The following NXPE2 variants were observed in gnomAD, a reference collection of about 807,000 sequenced individuals.
The protein encoded by NXPE2 is neurexophilin and PC-esterase domain family member 2.
A neutral mutation model predicts 34.4 loss-of-function variants in NXPE2; 34 were observed. The ratio of observed to expected loss-of-function variants is 0.99; its 90% confidence interval spans 0.75 to 1.31. NXPE2 has a LOEUF of 1.31. Ranked by LOEUF, NXPE2 falls within the 40% of genes most tolerant of loss-of-function variation. NXPE2 has a pLI of 0.00. For synonymous variants in NXPE2, 235 were observed against 231.3 expected, an observed-to-expected ratio of 1.02 and a Z score of -0.15; for missense variants, 649 against 672.5, an observed-to-expected ratio of 0.97 and a Z score of 0.39.
At chr11:114,604,022 G>A in the NXPE2 span, among the ~76,000 whole-genome samples, 2 of 151,812 alleles carry the variant, frequency 1.3e-5, no homozygotes, top group Non-Finnish European at 1.5e-5. Context: ...CCATTACGTG[G>A]TGGATAACAG....
chr11:114,682,998 T>C (rs201116601), intron 2 of NXPE2, among the ~76,000 whole-genome samples: 1 of 151,986 alleles, frequency 6.6e-6, no homozygotes, highest in East Asian at 1.9e-4. Flanking sequence ...ATCTTATAAT[T>C]TATTAAAATT....
chr11:114,806,058 C>T, the NXPE2 span, among the ~76,000 whole-genome samples: 2 of 152,266 alleles, frequency 1.3e-5, no homozygotes, highest in Non-Finnish European at 2.9e-5. Flanking sequence ...GTTCTGCAGC[C>T]ACCGCTGCTG....
the NXPE2 span, among the ~76,000 whole-genome samples, chr11:114,730,927 A>G: frequency 6.6e-6 from 1 of 152,030 alleles, no homozygotes. Flanking sequence ...TTCCAGTATC[A>G]TGTTGATAGG....
the NXPE2 span, among the ~76,000 whole-genome samples, chr11:114,632,729 TAA>T: frequency 2.0e-5 from 1 of 49,278 alleles, no homozygotes; most frequent in Non-Finnish European, 3.4e-5. Context: ...ATATAATATA[TAA>T]TATATATAAA....
chr11:114,535,479 C>T, the NXPE2 span, among the ~76,000 whole-genome samples: 3 of 152,274 alleles, frequency 2.0e-5, no homozygotes, highest in Admixed American at 6.5e-5. Flanking sequence ...TTAAAAGGCA[C>T]AGACTGGCAA....
the NXPE2 span, among the ~76,000 whole-genome samples, chr11:114,601,892 T>A: frequency 2.3e-5 from 1 of 44,268 alleles, no homozygotes; most frequent in Non-Finnish European, 4.6e-5. Flanking sequence ...AATTATATAT[T>A]ATATTTATAT....
chr11:114,799,004 G>A, the NXPE2 span, among the ~76,000 whole-genome samples: 1 of 152,184 alleles, frequency 6.6e-6, no homozygotes. Flanking sequence ...AGTAGCTTTT[G>A]CCTTTTGTTG....
chr11:114,767,196 T>A, the NXPE2 span, among the ~76,000 whole-genome samples: 1 of 152,148 alleles, frequency 6.6e-6, no homozygotes, highest in Admixed American at 6.5e-5. Flanking sequence ...ATCTTTGCCT[T>A]TATACTTTAT....
At chr11:114,577,058 CAT>C in the NXPE2 span, among the ~76,000 whole-genome samples, 891 of 29,884 alleles carry the variant, frequency 0.03, 17 homozygotes, top group South Asian at 0.056. Context: ...TATATATATA[CAT>C]ATATATATAT....
the NXPE2 span, among the ~76,000 whole-genome samples, chr11:114,628,802 A>G: frequency 6.6e-6 from 1 of 152,022 alleles, no homozygotes; most frequent in Non-Finnish European, 1.5e-5. Context: ...AAAAGAGAGA[A>G]GAATCAAATA....
chr11:114,523,689 T>A, the NXPE2 span, among the ~76,000 whole-genome samples: 5 of 152,342 alleles, frequency 3.3e-5, no homozygotes, highest in African/African-American at 1.2e-4. Flanking sequence ...TTTCAGGCTC[T>A]GTTTGCACAT....
chr11:114,720,207 T>A, the NXPE2 span, among the ~76,000 whole-genome samples: 21 of 152,086 alleles, frequency 1.4e-4, no homozygotes, highest in African/African-American at 5.1e-4. Context: ...GAATGAATGG[T>A]TTCTTATGAA....
At chr11:114,566,813 A>G in the NXPE2 span, among the ~76,000 whole-genome samples, 4 of 152,108 alleles carry the variant, frequency 2.6e-5, no homozygotes, top group African/African-American at 9.7e-5. Context: ...CTTTTTTAAG[A>G]TGCAAACTAT....
At chr11:114,585,947 G>T in the NXPE2 span, among the ~76,000 whole-genome samples, 3 of 152,076 alleles carry the variant, frequency 2.0e-5, no homozygotes, top group Non-Finnish European at 4.4e-5. Flanking sequence ...AAAAAAGCAG[G>T]CAACATGGAG....
the NXPE2 span, among the ~76,000 whole-genome samples, chr11:114,812,357 C>A: frequency 6.6e-6 from 1 of 152,140 alleles, no homozygotes; most frequent in Non-Finnish European, 1.5e-5. Context: ...TCTAAAGAGA[C>A]AAATTACAGT....
At chr11:114,583,297 C>T in the NXPE2 span, 19 of 638,736 alleles carry the variant, frequency 3.0e-5, no homozygotes, top group Admixed American at 6.5e-5. Flanking sequence ...GTTACTACTA[C>T]GATAGGGGTG....
At chr11:114,566,886 G>A in the NXPE2 span, among the ~76,000 whole-genome samples, 6 of 152,108 alleles carry the variant, frequency 3.9e-5, no homozygotes, top group African/African-American at 1.2e-4. Context: ...GTTGATGACC[G>A]TGTCAGTTAT....
At chr11:114,697,413 A>G (rs1951278768) in intron 2 of NXPE2, among the ~76,000 whole-genome samples, 2 of 152,228 alleles carry the variant, frequency 1.3e-5, no homozygotes, top group African/African-American at 2.4e-5. Flanking sequence ...CAAAGCGTCT[A>G]TAAGGAACCA....
chr11:114,671,152 A>G, the NXPE2 span, among the ~76,000 whole-genome samples: 1 of 150,342 alleles, frequency 6.7e-6, no homozygotes, highest in Admixed American at 6.6e-5. Flanking sequence ...ACTGATATGA[A>G]AAGTTAACTA....
Sources: allele counts gnomAD v4.1 joint callset (sites outside exome capture counted in the v4.1 genomes callset), GRCh38; gene constraint gnomAD v4.1.1; transcripts MANE v1.5; gene names NCBI Gene and HGNC (gene_info 2026-07-23, HGNC 2026-07-21).